The following CLSTN2 variants were observed in gnomAD, a reference collection of about 807,000 sequenced individuals.
CLSTN2 encodes the protein calsyntenin-2.
A neutral mutation model predicts 101.2 loss-of-function variants in CLSTN2; 48 were observed. That is an observed-to-expected ratio of 0.47 (90% CI 0.38 to 0.60). CLSTN2 has a LOEUF of 0.60. Among genes scored for constraint, CLSTN2 ranks in the 20% least tolerant of loss-of-function variants. The pLI is 0.00. For missense variants in CLSTN2, 1,160 were observed against 1,238.2 expected, an observed-to-expected ratio of 0.94 and a Z score of 0.95; for synonymous variants, 481 against 463.6, an observed-to-expected ratio of 1.04 and a Z score of -0.48.
chr3:140,557,402 A>T (rs1935820782), intron 11 of CLSTN2, among the ~76,000 whole-genome samples: 1 of 152,222 alleles, frequency 6.6e-6, no homozygotes, highest in South Asian at 2.1e-4. Context: ...AGTTACATTC[A>T]ATAGTTCTAG....
chr3:140,109,324 T>C (rs548220781), intron 1 of CLSTN2, among the ~76,000 whole-genome samples: 144 of 152,270 alleles, frequency 9.5e-4, no homozygotes, highest in South Asian at 7.5e-3. Context: ...GAGCCGGGAA[T>C]CTCAGCACAG....
At chr3:140,034,611 C>G (rs2007620472) in intron 1 of CLSTN2, among the ~76,000 whole-genome samples, 1 of 152,194 alleles carries the variant, frequency 6.6e-6, no homozygotes, top group Non-Finnish European at 1.5e-5. Flanking sequence ...GCCTTCCTCT[C>G]TTTTGCCAGA....
intron 8 of CLSTN2, among the ~76,000 whole-genome samples, chr3:140,476,549 C>T (rs1330328902): frequency 1.3e-5 from 2 of 151,828 alleles, no homozygotes; most frequent in African/African-American, 2.4e-5. Flanking sequence ...TGAATATGCA[C>T]GAGGACAAGA....
chr3:140,502,445 AT>A (rs1317680681), intron 8 of CLSTN2, among the ~76,000 whole-genome samples: 1 of 152,242 alleles, frequency 6.6e-6, no homozygotes, highest in Non-Finnish European at 1.5e-5. Flanking sequence ...AGTCTTAGGC[AT>A]GCAGAAGCCA....
chr3:140,046,177 C>T (rs1383506275), intron 1 of CLSTN2, among the ~76,000 whole-genome samples: 2 of 152,146 alleles, frequency 1.3e-5, no homozygotes, highest in Non-Finnish European at 2.9e-5. Flanking sequence ...TAAGGACTTG[C>T]TTTATGAATC....
chr3:139,964,245 T>A (rs1413091773), intron 1 of CLSTN2, among the ~76,000 whole-genome samples: 1 of 152,216 alleles, frequency 6.6e-6, no homozygotes, highest in Non-Finnish European at 1.5e-5. Context: ...TTTATTGGGT[T>A]CTGGCAGTGT....
intron 2 of CLSTN2, among the ~76,000 whole-genome samples, chr3:140,214,458 A>AAT (rs749913331): frequency 5.3e-5 from 8 of 151,698 alleles, no homozygotes; most frequent in Non-Finnish European, 8.8e-5. Context: ...TGTCTTAAAA[A>AAT]AAAAGAATAG....
chr3:139,956,890 C>T lies in CLSTN2; in HGVS notation c.109+21407C>T, dbSNP rs559747202. Among the ~76,000 whole-genome samples, 9 of 152,310 alleles carry T rather than the reference C, an allele frequency of 5.9e-5. No individual in the cohort carries two copies. In the East Asian group the frequency reaches 1.5e-3, roughly 26 times the overall value. ...GGGATATCACTTTCCCCAAACTTAA[C>T]TTTACCAAGGCTGTGTCTGCTTCAT... On this transcript the variant is annotated intron_variant, in intron 1 of 16. Transcript: ENST00000458420.
At chr3:140,256,143 AG>A (rs1202924822) in intron 2 of CLSTN2, among the ~76,000 whole-genome samples, 2 of 152,196 alleles carry the variant, frequency 1.3e-5, no homozygotes, top group African/African-American at 4.8e-5. Flanking sequence ...CTGAAGAACA[AG>A]AGAGGCCTTT....
At chr3:140,094,320 G>A (rs1040135457) in intron 1 of CLSTN2, among the ~76,000 whole-genome samples, 1 of 152,202 alleles carries the variant, frequency 6.6e-6, no homozygotes, top group South Asian at 2.1e-4. Context: ...TCTGGCTTTA[G>A]AGACCATGCC....
chr3:140,308,589 G>A (rs1382912114), intron 2 of CLSTN2, among the ~76,000 whole-genome samples: 2 of 152,214 alleles, frequency 1.3e-5, no homozygotes, highest in Non-Finnish European at 2.9e-5. Flanking sequence ...CATTGTGTGA[G>A]GCATTAAAAT....
At chr3:140,410,989 A>T (rs1364676654) in intron 4 of CLSTN2, among the ~76,000 whole-genome samples, 1 of 152,226 alleles carries the variant, frequency 6.6e-6, no homozygotes, top group East Asian at 1.9e-4. Flanking sequence ...AAAATTATCA[A>T]GTCACAAAAG....
At chr3:140,192,008 C>T (rs1039215582) in intron 2 of CLSTN2, among the ~76,000 whole-genome samples, 23 of 151,500 alleles carry the variant, frequency 1.5e-4, no homozygotes, top group Non-Finnish European at 4.4e-5. Context: ...TAGCTGTATC[C>T]CACAAATTTT....
At chr3:140,410,556 A>C (rs746844232) in intron 4 of CLSTN2, among the ~76,000 whole-genome samples, 33 of 152,162 alleles carry the variant, frequency 2.2e-4, no homozygotes, top group Non-Finnish European at 4.4e-4. Flanking sequence ...GTAAATGATA[A>C]GGGGAGTTTT....
At chr3:140,360,312 G>A (rs1213334664) in intron 2 of CLSTN2, among the ~76,000 whole-genome samples, 1 of 152,174 alleles carries the variant, frequency 6.6e-6, no homozygotes, top group African/African-American at 2.4e-5. Context: ...GGCAGGCTTA[G>A]GTGAGCATGG....
intron 1 of CLSTN2, among the ~76,000 whole-genome samples, chr3:140,087,420 C>T (rs185417031): frequency 2.6e-5 from 4 of 152,246 alleles, no homozygotes; most frequent in East Asian, 3.9e-4. Flanking sequence ...TTTGTAATAC[C>T]TCTGCCCTGT....
intron 1 of CLSTN2, among the ~76,000 whole-genome samples, chr3:139,965,455 C>T (rs1935577783): frequency 1.3e-5 from 2 of 152,188 alleles, no homozygotes; most frequent in Non-Finnish European, 1.5e-5. Context: ...GTATTCTCCA[C>T]TTCTGGGGCC....
At chr3:140,358,398 A>C (rs1033528127) in intron 2 of CLSTN2, among the ~76,000 whole-genome samples, 2 of 152,066 alleles carry the variant, frequency 1.3e-5, no homozygotes, top group Non-Finnish European at 2.9e-5. Context: ...TTAATCTATA[A>C]AATTTTTCAT....
chr3:140,192,220 A>G (rs1454515950), intron 2 of CLSTN2, among the ~76,000 whole-genome samples: 1 of 151,776 alleles, frequency 6.6e-6, no homozygotes, highest in Non-Finnish European at 1.5e-5. Context: ...TTTGAGGTTT[A>G]CTTTATATTC....
Sources: gnomAD v4.1 joint callset for allele counts (sites outside exome capture counted in the v4.1 genomes callset) on GRCh38, gnomAD v4.1.1 for gene constraint, MANE v1.5 for transcripts, NCBI Gene and HGNC (gene_info 2026-07-23, HGNC 2026-07-21) for gene names.